Variants in METTL15 observed in about 807,000 individuals in gnomAD.
METTL15 encodes methyltransferase 15, mitochondrial 12S rRNA N4-cytidine, also known as 12S rRNA N(4)-cytidine methyltransferase METTL15.
METTL15 carries 34 observed loss-of-function variants against 38.3 expected under a neutral mutation model. That is an observed-to-expected ratio of 0.89 (90% confidence interval 0.68 to 1.18). The LOEUF (loss-of-function observed/expected upper bound fraction) is 1.18. METTL15 is among the 50% of genes most tolerant of loss of function. METTL15 has a pLI of 0.00. For missense variants in METTL15, 438 were observed against 498.4 expected, an observed-to-expected ratio of 0.88 and a Z score of 1.15; for synonymous variants, 162 against 170.9, an observed-to-expected ratio of 0.95 and a Z score of 0.41.
intron 3 of METTL15, chr11:28,163,527 T>C (rs1850545452): frequency 2.5e-6 from 1 of 397,360 alleles, no homozygotes; most frequent in Non-Finnish European, 4.4e-6. Flanking sequence ...TTCTTCTTAC[T>C]GATCTCTCTC....
At chr11:28,527,819 G>A (rs1016641087), downstream of METTL15, among the ~76,000 whole-genome samples, 1 of 152,182 alleles carries the variant, frequency 6.6e-6, no homozygotes, top group African/African-American at 2.4e-5. Flanking sequence ...TAACATTACT[G>A]TTATTTAATA....
At chr11:28,154,589 G>T (rs1341612680) in intron 3 of METTL15, among the ~76,000 whole-genome samples, 1 of 152,102 alleles carries the variant, frequency 6.6e-6, no homozygotes, top group Non-Finnish European at 1.5e-5. Context: ...AATAAATAAA[G>T]TTGTAATGTC....
intron 3 of METTL15, among the ~76,000 whole-genome samples, chr11:28,121,126 C>G (rs543989117): frequency 2.6e-5 from 4 of 152,058 alleles, no homozygotes; most frequent in Non-Finnish European, 5.9e-5. Context: ...TTCATTCTAC[C>G]TAACTATATT....
intron 3 of METTL15, among the ~76,000 whole-genome samples, chr11:28,185,652 C>T (rs1851466829): frequency 6.6e-6 from 1 of 150,992 alleles, no homozygotes; most frequent in Admixed American, 6.6e-5. Flanking sequence ...TGATTATTTC[C>T]CTTTGATGCT....
chr11:28,194,178 C>CTTTCTTTCTTTCTTTT (rs1373046857), intron 3 of METTL15, among the ~76,000 whole-genome samples: 1 of 12,294 alleles, frequency 8.1e-5, no homozygotes, highest in African/African-American at 3.4e-4. Flanking sequence ...CTTTCTTTTT[C>CTTTCTTTCTTTCTTTT]TCTCTCTCTC....
At chr11:28,469,586 A>G (rs1178131486) in intron 6 of METTL15, among the ~76,000 whole-genome samples, 1 of 152,160 alleles carries the variant, frequency 6.6e-6, no homozygotes, top group Non-Finnish European at 1.5e-5. Flanking sequence ...TTTAACCTTT[A>G]TGTGCTTCAG....
chr11:28,275,106 T>C (rs1025394566), intron 4 of METTL15, among the ~76,000 whole-genome samples: 1 of 149,352 alleles, frequency 6.7e-6, no homozygotes, highest in African/African-American at 2.5e-5. Flanking sequence ...TGGAAGAAAA[T>C]ATATAAAAAG....
At chr11:28,204,234 C>A (rs115656896) in intron 3 of METTL15, among the ~76,000 whole-genome samples, 2,087 of 151,968 alleles carry the variant, frequency 0.014, 63 homozygotes, top group African/African-American at 0.047. Flanking sequence ...TACTTTAATT[C>A]ACTTTCATTT....
Position 28,333,106 on chromosome 11 carries a change from A to G in METTL15, c.*2265A>G, listed in dbSNP as rs1383421746. On this transcript the variant is annotated 3_prime_UTR_variant, in exon 7 of 7. Coordinates refer to ENST00000407364, the MANE Select transcript of METTL15 (RefSeq NM_001113528.2). ...TCCAGTAGTTGCCAACCCTGCTAAC[A>G]TGGTTTTGCACATCTAGCATCCAGA... is the stretch of plus-strand genomic sequence containing the variant. 3 of 151,394 alleles carry G rather than the reference A, an allele frequency of 2.0e-5. No homozygotes were observed. Among genetic ancestry groups the G allele is most frequent in the Non-Finnish European group, 2.9e-5 (2 of 67,934 alleles). The allele number at this position is 151,394 out of a possible 1,614,324, so 9.4% of individuals were successfully genotyped here.
chr11:28,364,444 T>G (rs1351497493), intron 5 of METTL15, among the ~76,000 whole-genome samples: 1 of 152,170 alleles, frequency 6.6e-6, no homozygotes, highest in Non-Finnish European at 1.5e-5. Context: ...CTCATAGCTA[T>G]TGTAAATGGG....
intron 3 of METTL15, among the ~76,000 whole-genome samples, chr11:28,175,403 A>C (rs1462552453): frequency 6.6e-6 from 1 of 152,148 alleles, no homozygotes; most frequent in Non-Finnish European, 1.5e-5. Context: ...TGCTGTAATA[A>C]ACATACGTAT....
chr11:28,243,605 T>TA (rs1854391114), intron 4 of METTL15, among the ~76,000 whole-genome samples: 1 of 152,180 alleles, frequency 6.6e-6, no homozygotes, highest in South Asian at 2.1e-4. Flanking sequence ...ATGTTAGTGT[T>TA]AAAGTTTATT....
At chr11:28,109,150 G>A (rs1851610605) in intron 1 of METTL15, among the ~76,000 whole-genome samples, 1 of 152,158 alleles carries the variant, frequency 6.6e-6, no homozygotes, top group African/African-American at 2.4e-5. Flanking sequence ...ACAATATATG[G>A]AAACCTCTGT....
At chr11:28,220,919 C>T (rs1210780331) in intron 4 of METTL15, among the ~76,000 whole-genome samples, 10 of 152,134 alleles carry the variant, frequency 6.6e-5, no homozygotes, top group Non-Finnish European at 8.8e-5. Context: ...TAGAGTTTTG[C>T]GGAGAGATCA....
At chr11:28,255,049 C>T (rs1397138039) in intron 4 of METTL15, among the ~76,000 whole-genome samples, 2 of 152,094 alleles carry the variant, frequency 1.3e-5, no homozygotes, top group Non-Finnish European at 1.5e-5. Context: ...CTGTAGATCG[C>T]TTTGGGTACT....
intron 6 of METTL15, among the ~76,000 whole-genome samples, chr11:28,439,707 T>C (rs751839138): frequency 6.6e-6 from 1 of 152,164 alleles, no homozygotes; most frequent in Non-Finnish European, 1.5e-5. Flanking sequence ...TTAAGTTTGA[T>C]CTCTTTTACT....
intron 3 of METTL15, among the ~76,000 whole-genome samples, chr11:28,193,331 GA>G (rs2133806137): frequency 6.6e-6 from 1 of 152,196 alleles, no homozygotes; most frequent in Non-Finnish European, 1.5e-5. Context: ...GAGAACTCAG[GA>G]AACTTACAGT....
chr11:28,209,392 C>T (rs1852524341), intron 3 of METTL15, among the ~76,000 whole-genome samples: 1 of 151,710 alleles, frequency 6.6e-6, no homozygotes, highest in Admixed American at 6.6e-5. Context: ...AGATTTTTGC[C>T]AATTCATCGA....
At chr11:28,219,193 C>CT (rs1295785796) in intron 4 of METTL15, among the ~76,000 whole-genome samples, 1 of 151,960 alleles carries the variant, frequency 6.6e-6, no homozygotes, top group Non-Finnish European at 1.5e-5. Context: ...TGGTCCTGGA[C>CT]TTTTTTTGGT....
Sources: gnomAD v4.1 joint callset for allele counts (sites outside exome capture counted in the v4.1 genomes callset) on GRCh38, gnomAD v4.1.1 for gene constraint, MANE v1.5 for transcripts, NCBI Gene and HGNC (gene_info 2026-07-23, HGNC 2026-07-21) for gene names.